BABAM2: variants seen among roughly 807,000 people sequenced by gnomAD.
The protein encoded by BABAM2 is BRISC and BRCA1 A complex member 2.
BABAM2 carries 31 observed loss-of-function variants against 54.7 expected under a neutral mutation model. The ratio of observed to expected loss-of-function variants is 0.57; its 90% CI spans 0.43 to 0.77. BABAM2 has a LOEUF of 0.77. Ranked by LOEUF, BABAM2 falls within the 30% of genes least tolerant of loss-of-function variation. The pLI is 0.00. For missense variants in BABAM2, 364 were observed against 455.8 expected (o/e 0.80, Z 1.83); for synonymous variants, 167 against 162.9 (o/e 1.03, Z -0.19).
chr2:27,936,879 C>T lies in BABAM2; in HGVS notation c.205+6971C>T, dbSNP rs185384856. Among the ~76,000 whole-genome samples, 1,402 of 152,016 alleles carry T rather than the reference C, an allele frequency of 9.2e-3. 23 individuals are homozygous for T. The highest frequency in any genetic ancestry group is 0.032 in the African/African-American group (1,309 of 41,444). On this transcript the variant is annotated intron_variant, in intron 3 of 11. Transcript: ENST00000379624. ...CGAGTTAATGGGTGCAGCACACCAG[C>T]ATGGCACATGTATACATATGTAACT...
intron 4 of BABAM2, chr2:28,015,867 C>CT (rs1674768571): frequency 7.3e-6 from 5 of 682,974 alleles, no homozygotes; most frequent in African/African-American, 3.7e-5. Context: ...TGCTTTTCCT[C>CT]TTTTTTGCTC....
At chr2:28,259,753 A>G (rs1487884197) in intron 10 of BABAM2, among the ~76,000 whole-genome samples, 4 of 152,128 alleles carry the variant, frequency 2.6e-5, no homozygotes, top group Admixed American at 2.6e-4. Context: ...ACTTCAAGTT[A>G]ATTTTGTGTA....
intron 5 of BABAM2, among the ~76,000 whole-genome samples, chr2:28,033,719 A>T (rs893852728): frequency 2.0e-5 from 3 of 152,158 alleles, no homozygotes; most frequent in South Asian, 2.1e-4. Flanking sequence ...CACAATAAGC[A>T]AATTTGTGAA....
intron 7 of BABAM2, among the ~76,000 whole-genome samples, chr2:28,139,068 A>G (rs1292324599): frequency 1.3e-5 from 2 of 152,158 alleles, no homozygotes; most frequent in Non-Finnish European, 2.9e-5. Flanking sequence ...AGCCATAGGT[A>G]GTGGGACCAG....
intron 10 of BABAM2, among the ~76,000 whole-genome samples, chr2:28,255,103 C>G (rs78891880): frequency 6.6e-6 from 1 of 152,076 alleles, no homozygotes; most frequent in Non-Finnish European, 1.5e-5. Context: ...TTAATATCAC[C>G]TAATACCCAG....
At chr2:28,116,154 G>A (rs568457007) in intron 6 of BABAM2, among the ~76,000 whole-genome samples, 2 of 152,072 alleles carry the variant, frequency 1.3e-5, no homozygotes, top group East Asian at 1.9e-4. Context: ...CCTTGGAGGA[G>A]CTTAAATGTC....
At position 28,193,147 on chromosome 2, in the gene BABAM2, G is replaced by A. The variant is rs976848068; in HGVS notation, c.681-44055G>A. Among the ~76,000 whole-genome samples the A allele has an allele frequency of 1.1e-4, 16 of 152,190 alleles. No individual in the cohort carries two copies. The East Asian group carries it at 1.4e-3, about 13-fold the overall frequency. The stretch of plus-strand genomic sequence containing the variant: ...ATCATGCCATTGCACTCCAACATGG[G>A]CGACATGAGCAAAACTCTGTCTCAA... On this transcript the variant is annotated intron_variant, in intron 7 of 11. Transcript: ENST00000379624.
intron 7 of BABAM2, among the ~76,000 whole-genome samples, chr2:28,131,798 G>A (rs1240218984): frequency 3.3e-5 from 5 of 152,260 alleles, no homozygotes; most frequent in East Asian, 1.9e-4. Context: ...CAGTTCTAGC[G>A]TAGCCACTCA....
chr2:28,066,416 G>A (rs935729190), intron 6 of BABAM2, among the ~76,000 whole-genome samples: 2 of 152,090 alleles, frequency 1.3e-5, no homozygotes, highest in East Asian at 3.8e-4. Flanking sequence ...GTCACTGATA[G>A]CCTCTTTTGT....
chr2:28,258,918 A>T (rs1684235751), intron 10 of BABAM2, among the ~76,000 whole-genome samples: 2 of 151,386 alleles, frequency 1.3e-5, no homozygotes, highest in South Asian at 4.2e-4. Context: ...CTGGGACTAC[A>T]GGCACACGCC....
chr2:28,102,242 A>G (rs755507465), intron 6 of BABAM2, among the ~76,000 whole-genome samples: 2 of 152,200 alleles, frequency 1.3e-5, no homozygotes, highest in Non-Finnish European at 2.9e-5. Context: ...TGCTTGGGTA[A>G]TACATGTCCC....
chr2:28,025,274 G>GT lies in BABAM2; in HGVS notation c.350dup (p.Lys118GlufsTer13). 1 of 1,608,996 alleles carries GT rather than the reference G, an allele frequency of 6.2e-7. No homozygotes were observed. Among genetic ancestry groups the GT allele is most frequent in the Non-Finnish European group, 8.5e-7 (1 of 1,178,800 alleles). On this transcript the variant is annotated frameshift_variant, in exon 5 of 12. Coordinates refer to ENST00000379624, the MANE Select transcript of BABAM2 (RefSeq NM_199191.3). LOFTEE classifies it high-confidence loss of function. ...AAATCCTGAATGTCTCTTACTTGTGGTGAAGGAACTTGTGCAACAATATCA... is the reference window on the plus strand; with the variant it reads ...AAATCCTGAATGTCTCTTACTTGTGGTTGAAGGAACTTGTGCAACAATATCA...
At chr2:28,004,193 C>T (rs538197791) in intron 4 of BABAM2, among the ~76,000 whole-genome samples, 2 of 151,342 alleles carry the variant, frequency 1.3e-5, no homozygotes, top group East Asian at 3.9e-4. Context: ...CTACATCCTG[C>T]TGAGAATTTT....
chr2:28,128,094 G>A (rs919519067), intron 6 of BABAM2, among the ~76,000 whole-genome samples: 2 of 152,140 alleles, frequency 1.3e-5, no homozygotes, highest in Admixed American at 1.3e-4. Context: ...TTACAGGCAT[G>A]AGCCACCGCG....
intron 3 of BABAM2, among the ~76,000 whole-genome samples, chr2:27,960,596 A>AT (rs1670397748): frequency 6.6e-6 from 1 of 152,208 alleles, no homozygotes; most frequent in Admixed American, 6.5e-5. Context: ...AGAAATATTT[A>AT]CAGTCATATA....
chr2:28,231,541 C>T (rs964589251), intron 7 of BABAM2, among the ~76,000 whole-genome samples: 5 of 152,136 alleles, frequency 3.3e-5, no homozygotes, highest in African/African-American at 1.2e-4. Context: ...GCTTCAACTT[C>T]CAACGGCTCC....
chr2:28,194,785 C>T lies in BABAM2; in HGVS notation c.681-42417C>T, dbSNP rs556921834. On this transcript the variant is annotated intron_variant, in intron 7 of 11. Coordinates refer to ENST00000379624, the MANE Select transcript of BABAM2 (RefSeq NM_199191.3). ...ATGTTGGCCAGGCTGGTCTCGAACT[C>T]CTAACCTCAGGTGATCCGCCTGTCT... 3.5e-3 allele frequency among the ~76,000 whole-genome samples: 526 copies of T among 152,156 alleles called. 1 individual carries two copies. Among genetic ancestry groups the T allele is most frequent in the Non-Finnish European group, 5.7e-3 (390 of 68,000 alleles).
intron 10 of BABAM2, among the ~76,000 whole-genome samples, chr2:28,272,770 G>C (rs1685525678): frequency 6.6e-6 from 1 of 152,194 alleles, no homozygotes; most frequent in Non-Finnish European, 1.5e-5. Context: ...AAAGCCCACA[G>C]TGGGATAGGG....
chr2:28,010,951 C>T (rs1674343654), intron 4 of BABAM2, among the ~76,000 whole-genome samples: 1 of 152,138 alleles, frequency 6.6e-6, no homozygotes, highest in South Asian at 2.1e-4. Context: ...CAGCTGATGT[C>T]TTTGTTTATC....
Sources: gnomAD v4.1 joint callset for allele counts (sites outside exome capture counted in the v4.1 genomes callset) on GRCh38, gnomAD v4.1.1 for gene constraint, MANE v1.5 for transcripts, NCBI Gene and HGNC (gene_info 2026-07-23, HGNC 2026-07-21) for gene names.